Variants in CRAMP1 observed in about 807,000 individuals in gnomAD.
The protein encoded by CRAMP1 is protein cramped-like.
Under a neutral mutation model 115.4 loss-of-function variants are expected in CRAMP1, and 50 were observed. The observed-to-expected ratio is 0.43, with a 90% CI of 0.35 to 0.55. The LOEUF is 0.55. CRAMP1 is among the 20% of genes least tolerant of loss of function. CRAMP1 has a pLI of 0.01. For synonymous variants in CRAMP1, 866 were observed against 745.4 expected (o/e 1.16, Z -2.64); for missense variants, 1,679 against 1,721.7 (o/e 0.98, Z 0.44).
rs979814232 is a variant in CRAMP1 at position 1,614,501 on chromosome 16, G to A, written c.-1-138G>A. ...GGCAGGGGCCGCGGCGGGCTCGGGCGGGCTCGGGCGGGCCGGGCCGAGCCG... is the reference window on the plus strand; with the variant it reads ...GGCAGGGGCCGCGGCGGGCTCGGGCAGGCTCGGGCGGGCCGGGCCGAGCCG... On this transcript the variant is annotated intron_variant, in intron 1 of 20. Transcript: ENST00000397412. This position sits in a 1 kb window ranked among gnomAD's most constrained non-coding sequence, Gnocchi z 4.4. 1.3e-5 allele frequency: 4 copies of A among 298,606 alleles called. No homozygotes were observed. Among genetic ancestry groups the A allele is most frequent in the African/African-American group, 9.2e-5 (4 of 43,488 alleles). The allele number at this position is 298,606 out of a possible 1,614,324, so 18.5% of individuals were successfully genotyped here.
intron 10 of CRAMP1, 28 bp downstream of exon 10, chr16:1,657,020 G>C (rs1215827856): frequency 6.8e-7 from 1 of 1,472,938 alleles, no homozygotes; most frequent in Admixed American, 2.5e-5. Flanking sequence ...CAGCCCCTCT[G>C]GCGGCCCAAG....
chr16:1,616,929 C>T (rs2036425314), intron 2 of CRAMP1, among the ~76,000 whole-genome samples: 1 of 151,802 alleles, frequency 6.6e-6, no homozygotes. Context: ...ATTCTCTTGC[C>T]TCAGCCTCCC....
At chr16:1,645,585 C>T (rs2036667722) in intron 6 of CRAMP1, among the ~76,000 whole-genome samples, 1 of 152,212 alleles carries the variant, frequency 6.6e-6, no homozygotes, top group South Asian at 2.1e-4. Context: ...GTTGTGCCTT[C>T]TGTGGTTTTG....
At position 1,656,434 on chromosome 16, in the gene CRAMP1, C is replaced by T. The variant is rs61739874; in HGVS notation, c.1677C>T (p.Asp559=). The change falls in exon 10 of 21, where the codon GAC becomes GAT. Residue 559 remains aspartate, a synonymous_variant. Transcript: ENST00000397412. This position sits in a 1 kb window ranked among gnomAD's most constrained non-coding sequence, Gnocchi z 5.6. ...TGGAGGACGAGCTCTCGCTTCTAGA[C>T]CCCTTGCCCCGCTACCTAAAGTCCT... The part of the protein sequence containing the change: ...PDLEDELSLL[D]PLPRYLKSCQ... The T allele has an allele frequency of 0.18, 278,193 of 1,584,650 alleles. 27,533 individuals carry two copies. The highest frequency in any genetic ancestry group is 0.21 in the Middle Eastern group (1,267 of 6,026).
intron 18 of CRAMP1, among the ~76,000 whole-genome samples, chr16:1,668,748 C>T (rs2036897083): frequency 6.6e-6 from 1 of 152,226 alleles, no homozygotes; most frequent in African/African-American, 2.4e-5. Context: ...CCTAGGGCTG[C>T]TGTGGGTGCC....
At chr16:1,667,497 C>T (rs1326962365) in intron 17 of CRAMP1, 97 bp downstream of exon 17, 21 of 912,028 alleles carry the variant, frequency 2.3e-5, no homozygotes, top group Non-Finnish European at 3.5e-5. Context: ...GGCCCGGCTT[C>T]TCTCCTAGAC....
intron 10 of CRAMP1, among the ~76,000 whole-genome samples, chr16:1,659,279 G>A (rs768628219): frequency 8.5e-5 from 13 of 152,218 alleles, no homozygotes; most frequent in Non-Finnish European, 1.9e-4. Flanking sequence ...CTTCGGGCTG[G>A]TTCCCTCCCT....
At chr16:1,616,529 G>C (rs1363522484) in intron 2 of CRAMP1, among the ~76,000 whole-genome samples, 2 of 152,222 alleles carry the variant, frequency 1.3e-5, no homozygotes, top group Admixed American at 6.5e-5. Context: ...GTATGTATAA[G>C]TGAAGTGCTG....
chr16:1,613,280 C>G (rs1381174356), intron 1 of CRAMP1, among the ~76,000 whole-genome samples: 2 of 152,028 alleles, frequency 1.3e-5, no homozygotes, highest in African/African-American at 2.4e-5. Flanking sequence ...ATTCCCTAGA[C>G]CAATTCCGAC....
intron 12 of CRAMP1, 31 bp from the exon 13 acceptor site, chr16:1,662,730 C>T (rs367596829): frequency 4.3e-6 from 7 of 1,613,612 alleles, no homozygotes; most frequent in African/African-American, 1.3e-5. Flanking sequence ...GGAGAGTGCA[C>T]CTTCAGGTGC....
At chr16:1,657,220 CGAG>C (rs1475120963) in intron 10 of CRAMP1, among the ~76,000 whole-genome samples, 2 of 152,204 alleles carry the variant, frequency 1.3e-5, no homozygotes, top group Non-Finnish European at 2.9e-5. Context: ...TCCTCTCCCT[CGAG>C]GAGGGATCCT....
chr16:1,653,130 G>A lies in CRAMP1; in HGVS notation c.1011G>A (p.Gln337=). 1 of 1,610,782 alleles carries A rather than the reference G, an allele frequency of 6.2e-7. No individual in the cohort carries two copies. The highest frequency in any genetic ancestry group is 1.1e-5 in the South Asian group (1 of 90,324). Residue 337 remains glutamine, a synonymous_variant, in exon 8 of 21, where the codon CAG becomes CAA. Transcript: ENST00000397412. ...PRNNHAWARV[Q]SLAQNPRLRM... Reference sequence around the variant, plus strand: ...ACAACCACGCCTGGGCCCGTGTGCAGAGCCTTGCCCAGAACCCACGCCTCA... The same window carrying A: ...ACAACCACGCCTGGGCCCGTGTGCAAAGCCTTGCCCAGAACCCACGCCTCA...
At position 1,666,381 on chromosome 16, in the gene CRAMP1, G is replaced by A. The variant is rs754038126; in HGVS notation, c.2858-41G>A. ...GCCCTCTTGGGACATCTTATGGGTT[G>A]TCAGTAGAGCAGAGATGTGCAGCGT... On this transcript the variant is annotated intron_variant, in intron 15 of 20. Transcript: ENST00000397412. The surrounding 1 kb of genome is among the most constrained non-coding windows in gnomAD (Gnocchi z 5.0). The A allele has an allele frequency of 1.3e-6, 2 of 1,579,188 alleles. No homozygotes were observed. Among genetic ancestry groups the A allele is most frequent in the Non-Finnish European group, 1.7e-6 (2 of 1,158,636 alleles).
chr16:1,670,556 G>A (rs2036913561), intron 19 of CRAMP1, 108 bp from the exon 20 acceptor site: 1 of 1,221,148 alleles, frequency 8.2e-7, no homozygotes, highest in Non-Finnish European at 1.2e-6. Flanking sequence ...TGGGGCCGGG[G>A]CCGGGGCTAG....
intron 2 of CRAMP1, among the ~76,000 whole-genome samples, chr16:1,621,038 A>G (rs758912282): frequency 3.9e-5 from 6 of 152,192 alleles, no homozygotes; most frequent in Non-Finnish European, 7.3e-5. Context: ...ATTTGAATGC[A>G]TTTTAAGGTG....
chr16:1,663,775 CTA>C (rs1212655600), intron 13 of CRAMP1, among the ~76,000 whole-genome samples: 1 of 152,166 alleles, frequency 6.6e-6, no homozygotes, highest in Non-Finnish European at 1.5e-5. Context: ...CTTTCTGTCT[CTA>C]TGGATTTGTC....
intron 3 of CRAMP1, among the ~76,000 whole-genome samples, chr16:1,626,616 A>G (rs2036510420): frequency 6.6e-6 from 1 of 151,844 alleles, no homozygotes; most frequent in Non-Finnish European, 1.5e-5. Context: ...CTTGGGACAA[A>G]ATGGAAAGTC....
At chr16:1,641,370 C>G (rs1333723103) in intron 6 of CRAMP1, among the ~76,000 whole-genome samples, 183 bp downstream of exon 6, 1 of 152,214 alleles carries the variant, frequency 6.6e-6, no homozygotes, top group Non-Finnish European at 1.5e-5. Flanking sequence ...CGCCCAGAGC[C>G]TGTGCCTGCC....
At chr16:1,653,179 G>C in intron 8 of CRAMP1, 23 bp downstream of exon 8, 1 of 1,601,082 alleles carries the variant, frequency 6.2e-7, no homozygotes, top group South Asian at 1.1e-5. Flanking sequence ...TTGGCACGCA[G>C]AGGGGTCCCA....
Sources: allele counts gnomAD v4.1 joint callset (sites outside exome capture counted in the v4.1 genomes callset), GRCh38; gene constraint gnomAD v4.1.1; non-coding constraint Gnocchi (gnomAD v3.1); transcripts MANE v1.5; gene names NCBI Gene and HGNC (gene_info 2026-07-23, HGNC 2026-07-21).